The following AIM2 variants were observed in gnomAD, a reference collection of about 807,000 sequenced individuals.
AIM2 encodes interferon-inducible protein AIM2.
In AIM2, 30 loss-of-function variants were observed where a neutral mutation model predicts 27.7. The ratio of observed to expected loss-of-function variants is 1.08; its 90% CI spans 0.81 to 1.47. The LOEUF is 1.47. Ranked by LOEUF, AIM2 falls within the 40% of genes most tolerant of loss-of-function variation. AIM2 has a pLI of 0.00. For synonymous variants in AIM2, 141 were observed against 145.3 expected (o/e 0.97, Z 0.21); for missense variants, 358 against 411.3 (o/e 0.87, Z 1.12).
chr1:159,141,532 T>C (rs538401268), upstream of AIM2, among the ~76,000 whole-genome samples: 15 of 152,152 alleles, frequency 9.9e-5, no homozygotes, highest in Middle Eastern at 3.4e-3. Flanking sequence ...CTCTCCCCTA[T>C]AGCCTCCAGG....
At chr1:159,114,579 G>A (rs566035357) in intron 1 of AIM2, among the ~76,000 whole-genome samples, 3 of 152,262 alleles carry the variant, frequency 2.0e-5, no homozygotes, top group Admixed American at 6.5e-5. Context: ...GCATGATGGC[G>A]CATGCTTGTA....
intron 1 of AIM2, among the ~76,000 whole-genome samples, chr1:159,083,087 G>A (rs12406521): frequency 1.3e-5 from 2 of 152,084 alleles, no homozygotes; most frequent in Admixed American, 1.3e-4. Flanking sequence ...ATATGTCACT[G>A]ACTTCAGAAA....
downstream of AIM2, among the ~76,000 whole-genome samples, chr1:159,058,146 G>C (rs1396399538): frequency 6.6e-6 from 1 of 152,164 alleles, no homozygotes; most frequent in Non-Finnish European, 1.5e-5. Flanking sequence ...TTGAGGTCAG[G>C]AGTTCGAGAC....
chr1:159,130,057 G>A (rs562464368), intron 1 of AIM2, among the ~76,000 whole-genome samples: 8 of 152,138 alleles, frequency 5.3e-5, no homozygotes, highest in South Asian at 2.1e-4. Flanking sequence ...AGGAAACGTC[G>A]GCCCTTATCA....
downstream of AIM2, among the ~76,000 whole-genome samples, chr1:159,057,854 T>C (rs1274661208): frequency 6.6e-6 from 1 of 152,234 alleles, no homozygotes; most frequent in East Asian, 1.9e-4. Context: ...TTGGTCTGAT[T>C]ATTTGCATAA....
intron 1 of AIM2, among the ~76,000 whole-genome samples, chr1:159,097,662 A>G (rs1657206373): frequency 6.6e-6 from 1 of 152,152 alleles, no homozygotes; most frequent in South Asian, 2.1e-4. Flanking sequence ...TTCCCCTTCT[A>G]TGTTTAAATT....
At chr1:159,123,349 A>G (rs894220063) in intron 1 of AIM2, among the ~76,000 whole-genome samples, 1 of 152,218 alleles carries the variant, frequency 6.6e-6, no homozygotes, top group Non-Finnish European at 1.5e-5. Context: ...CTCATAATTC[A>G]GTGCTTCATC....
intron 1 of AIM2, among the ~76,000 whole-genome samples, chr1:159,131,344 CAT>C (rs891744881): frequency 7.2e-5 from 11 of 151,838 alleles, no homozygotes; most frequent in African/African-American, 1.5e-4. Context: ...TGAATTTGTG[CAT>C]ATATATATGT....
chr1:159,124,212 A>G (rs900119377), intron 1 of AIM2, among the ~76,000 whole-genome samples: 7 of 152,140 alleles, frequency 4.6e-5, no homozygotes, highest in African/African-American at 1.4e-4. Flanking sequence ...AAAAAAAATG[A>G]TATTTTATGG....
intron 1 of AIM2, among the ~76,000 whole-genome samples, chr1:159,122,820 G>A (rs899759488): frequency 1.3e-5 from 2 of 152,074 alleles, no homozygotes; most frequent in Non-Finnish European, 2.9e-5. Context: ...CAAGTTCTTT[G>A]GGCCACCCTA....
chr1:159,085,868 T>C (rs1191622006), intron 1 of AIM2, among the ~76,000 whole-genome samples: 1 of 152,222 alleles, frequency 6.6e-6, no homozygotes. Flanking sequence ...CTCAGTGACG[T>C]AGTGTGTACT....
chr1:159,105,770 T>G (rs1313768499), intron 1 of AIM2, among the ~76,000 whole-genome samples: 1 of 152,098 alleles, frequency 6.6e-6, no homozygotes, highest in East Asian at 1.9e-4. Flanking sequence ...ATCTGTGGTT[T>G]TTATGGGCTC....
At chr1:159,115,863 A>C (rs1271573590) in intron 1 of AIM2, among the ~76,000 whole-genome samples, 1 of 152,038 alleles carries the variant, frequency 6.6e-6, no homozygotes, top group African/African-American at 2.4e-5. Context: ...GCTTCTGCAC[A>C]GCAAAAGAAA....
At chr1:159,068,235 C>T (rs1656194462) in intron 3 of AIM2, among the ~76,000 whole-genome samples, 1 of 152,178 alleles carries the variant, frequency 6.6e-6, no homozygotes, top group South Asian at 2.1e-4. Flanking sequence ...CTCTTCTTCT[C>T]CTTTCACTTC....
In AIM2 at chr1:159,073,617, A is replaced by G. The variant is rs182333900; in HGVS notation, c.-20-98T>C. The G allele has an allele frequency of 2.4e-3, 3,064 of 1,258,550 alleles. 10 individuals carry two copies. Among genetic ancestry groups the G allele is most frequent in the Middle Eastern group, 3.7e-3 (17 of 4,618 alleles). The allele number at this position is 1,258,550 out of a possible 1,614,324, so 78.0% of individuals were successfully genotyped here. ...CTATTAATATTTTTTAAAGAAAAAT[A>G]AAATATTTGCAGTAGTAAAAGAGAT... On this transcript the variant is annotated intron_variant, in intron 1 of 5. Coordinates refer to ENST00000368130, the MANE Select transcript of AIM2 (RefSeq NM_004833.3).
chr1:159,132,149 A>G (rs1306244722), intron 1 of AIM2: 1 of 149,200 alleles, frequency 6.7e-6, no homozygotes, highest in Non-Finnish European at 1.5e-5. Context: ...GGAGTTCAAG[A>G]CCATCCTGGC....
intron 1 of AIM2, among the ~76,000 whole-genome samples, chr1:159,135,148 C>T (rs1460669799): frequency 6.6e-6 from 1 of 152,224 alleles, no homozygotes; most frequent in Non-Finnish European, 1.5e-5. Flanking sequence ...CAGTTCTTAG[C>T]ACACAGCAGG....
intron 1 of AIM2, among the ~76,000 whole-genome samples, chr1:159,093,720 G>GTA (rs962310298): frequency 2.0e-3 from 302 of 148,998 alleles, no homozygotes; most frequent in African/African-American, 6.7e-3. Context: ...ATATGTATGT[G>GTA]TATATATATA....
chr1:159,133,295 T>A (rs566136108), intron 1 of AIM2, among the ~76,000 whole-genome samples: 5 of 152,350 alleles, frequency 3.3e-5, no homozygotes, highest in South Asian at 2.1e-4. Context: ...GATACAAGTT[T>A]GGTCACGAGT....
Sources: gnomAD v4.1 joint callset for allele counts (sites outside exome capture counted in the v4.1 genomes callset) on GRCh38, gnomAD v4.1.1 for gene constraint, MANE v1.5 for transcripts, NCBI Gene and HGNC (gene_info 2026-07-23, HGNC 2026-07-21) for gene names.